CPNE4: variants seen among roughly 807,000 people sequenced by gnomAD.
CPNE4 encodes copine 4.
Under a neutral mutation model 67.9 loss-of-function variants are expected in CPNE4, and 25 were observed. The ratio of observed to expected loss-of-function variants is 0.37; its 90% confidence interval spans 0.27 to 0.51. The LOEUF (loss-of-function observed/expected upper bound fraction) is 0.51, where lower values mean the gene tolerates loss of function less well. Among genes scored for constraint, CPNE4 ranks in the 20% least tolerant of loss-of-function variants. CPNE4 has a pLI of 0.93. For synonymous variants in CPNE4, 242 were observed against 244.9 expected (o/e 0.99, Z 0.11); for missense variants, 464 against 690.8 (o/e 0.67, Z 3.68).
rs371119778 is a variant in CPNE4, at chr3:131,575,149, G to A, written c.868-19C>T. On this transcript the variant is annotated intron_variant, in intron 9 of 15. Coordinates refer to ENST00000429747, the MANE Select transcript of CPNE4 (RefSeq NM_130808.3). ...TGTGAATCTGCATAGGAGGGGAGAG[G>A]AAACTGGGTTAATAACAGCACAGTC... 2.5e-5 allele frequency: 41 copies of A among 1,609,158 alleles called. No homozygotes were observed. In the African/African-American group the frequency reaches 5.1e-4, roughly 20 times the overall value.
intron 1 of CPNE4, among the ~76,000 whole-genome samples, chr3:131,917,579 C>T (rs2070598525): frequency 6.6e-6 from 1 of 152,126 alleles, no homozygotes; most frequent in South Asian, 2.1e-4. Flanking sequence ...CTCTCTCTCT[C>T]TCACTCTTTA....
At chr3:131,799,075 T>A (rs1269078495) in intron 2 of CPNE4, among the ~76,000 whole-genome samples, 2 of 152,298 alleles carry the variant, frequency 1.3e-5, no homozygotes, top group East Asian at 3.9e-4. Flanking sequence ...AAGTTGTATT[T>A]ACTCACTTTG....
At chr3:131,576,723 T>C (rs1937556830) in intron 9 of CPNE4, among the ~76,000 whole-genome samples, 3 of 151,954 alleles carry the variant, frequency 2.0e-5, no homozygotes, top group Non-Finnish European at 4.4e-5. Flanking sequence ...ATTTACTGTG[T>C]GTTTTTTTTT....
At chr3:131,587,782 G>T (rs1373044613) in intron 7 of CPNE4, among the ~76,000 whole-genome samples, 200 bp from the exon 8 acceptor site, 1 of 152,134 alleles carries the variant, frequency 6.6e-6, no homozygotes, top group Non-Finnish European at 1.5e-5. Context: ...TCTGCAAATG[G>T]CCCTGTGATG....
intron 2 of CPNE4, among the ~76,000 whole-genome samples, chr3:131,887,817 G>A (rs1433116142): frequency 6.6e-6 from 1 of 152,146 alleles, no homozygotes; most frequent in Admixed American, 6.5e-5. Context: ...ATGACAATAA[G>A]ATGGGCTCCT....
At chr3:131,679,531 T>C (rs974597601) in intron 6 of CPNE4, among the ~76,000 whole-genome samples, 4 of 152,196 alleles carry the variant, frequency 2.6e-5, no homozygotes, top group African/African-American at 9.6e-5. Context: ...GGTTGTTAAC[T>C]TGAGATCTTT....
chr3:131,762,782 T>C (rs776833292), intron 2 of CPNE4, among the ~76,000 whole-genome samples: 1 of 152,094 alleles, frequency 6.6e-6, no homozygotes, highest in Non-Finnish European at 1.5e-5. Flanking sequence ...ACAGATATCA[T>C]CATTATTTTA....
intron 1 of CPNE4, among the ~76,000 whole-genome samples, chr3:132,013,109 G>A (rs1409139510): frequency 6.6e-6 from 1 of 152,182 alleles, no homozygotes; most frequent in East Asian, 1.9e-4. Flanking sequence ...TGTAATCCCA[G>A]CTACTCAGGA....
intron 1 of CPNE4, among the ~76,000 whole-genome samples, chr3:131,953,718 G>C (rs555496449): frequency 6.6e-6 from 1 of 152,210 alleles, no homozygotes; most frequent in Non-Finnish European, 1.5e-5. Context: ...CATGGAGTTA[G>C]AGAGTAGAAT....
chr3:132,013,831 A>C (rs1227008085), intron 1 of CPNE4, among the ~76,000 whole-genome samples: 2 of 152,200 alleles, frequency 1.3e-5, no homozygotes, highest in Non-Finnish European at 2.9e-5. Flanking sequence ...TATCTTGCCC[A>C]AAACAATGCA....
In CPNE4 at chr3:131,535,019, G is replaced by A. The variant is rs1165528456; in HGVS notation, c.*176C>T. ...ACAATACAAGGGCTTAACAGATCCA[G>A]GCCTCAGGGCTACACATGCAAAAAA... On this transcript the variant is annotated 3_prime_UTR_variant, in exon 16 of 16. Transcript: ENST00000429747. 2.0e-6 allele frequency: 1 copy of A among 498,264 alleles called. No homozygotes were observed. Among genetic ancestry groups the A allele is most frequent in the African/African-American group, 2.0e-5 (1 of 50,594 alleles). 30.9% of individuals were successfully genotyped at this position (498,264 alleles called of 1,614,324 possible). A position where few individuals can be genotyped will look rare whatever the true frequency, so the allele number is the denominator to read the frequency against.
At chr3:131,633,691 A>G (rs1049421392) in intron 7 of CPNE4, among the ~76,000 whole-genome samples, 6 of 152,160 alleles carry the variant, frequency 3.9e-5, no homozygotes, top group Non-Finnish European at 7.4e-5. Context: ...ATGAAAATTT[A>G]AAGCCTGAAA....
At chr3:131,847,461 G>A (rs2086047693) in intron 2 of CPNE4, among the ~76,000 whole-genome samples, 1 of 152,052 alleles carries the variant, frequency 6.6e-6, no homozygotes, top group South Asian at 2.1e-4. Context: ...TGTATTATTG[G>A]CCCTGTCTGC....
chr3:132,039,317 G>A (rs2074378409), upstream of CPNE4, among the ~76,000 whole-genome samples: 1 of 152,216 alleles, frequency 6.6e-6, no homozygotes, highest in Non-Finnish European at 1.5e-5. Context: ...CAGCCATCAT[G>A]TGACTATGAA....
At chr3:131,952,652 G>C in intron 1 of CPNE4, among the ~76,000 whole-genome samples, 1 of 149,004 alleles carries the variant, frequency 6.7e-6, no homozygotes, top group African/African-American at 2.5e-5. Context: ...CAGCCGCCCC[G>C]TCTGGGAGGT....
chr3:131,684,560 A>G (rs1340046400), intron 6 of CPNE4, among the ~76,000 whole-genome samples: 1 of 152,236 alleles, frequency 6.6e-6, no homozygotes, highest in East Asian at 1.9e-4. Flanking sequence ...TAACAATGAC[A>G]TGAAACATTC....
At chr3:131,735,444 T>C (rs2082213194) in intron 2 of CPNE4, among the ~76,000 whole-genome samples, 1 of 152,212 alleles carries the variant, frequency 6.6e-6, no homozygotes, top group Non-Finnish European at 1.5e-5. Flanking sequence ...TGCAGTCAAA[T>C]AAGGTTTGAG....
chr3:131,622,921 A>G (rs1349474014), intron 7 of CPNE4, among the ~76,000 whole-genome samples: 1 of 152,200 alleles, frequency 6.6e-6, no homozygotes. Flanking sequence ...GTTGGGTTTC[A>G]TCACTTTTTG....
At chr3:132,033,459 C>A (rs1447903104) in intron 1 of CPNE4, among the ~76,000 whole-genome samples, 2 of 151,758 alleles carry the variant, frequency 1.3e-5, no homozygotes, top group Non-Finnish European at 2.9e-5. Flanking sequence ...GTCTCTCTTG[C>A]AAAGCTTCCC....
Sources: allele counts gnomAD v4.1 joint callset (sites outside exome capture counted in the v4.1 genomes callset), GRCh38; gene constraint gnomAD v4.1.1; transcripts MANE v1.5; gene names NCBI Gene and HGNC (gene_info 2026-07-23, HGNC 2026-07-21).